The following BRD9 variants were observed in gnomAD, a reference collection of about 807,000 sequenced individuals.
BRD9 encodes bromodomain-containing protein 9.
In BRD9, 47 loss-of-function variants were observed where a neutral mutation model predicts 68.7. The observed-to-expected ratio is 0.68, with a 90% CI of 0.54 to 0.87. BRD9 has a LOEUF of 0.87. Among genes scored for constraint, BRD9 ranks in the 40% least tolerant of loss-of-function variants. The pLI is 0.00. For missense variants in BRD9, 670 were observed against 748.4 expected (o/e 0.90, Z 1.22); for synonymous variants, 313 against 293.9 (o/e 1.06, Z -0.67).
chr5:874,988 A>T (rs1339612501), intron 12 of BRD9, among the ~76,000 whole-genome samples: 1 of 152,266 alleles, frequency 6.6e-6, no homozygotes, highest in Non-Finnish European at 1.5e-5. Flanking sequence ...TCCAAATATG[A>T]TGAAAACTAC....
chr5:891,348 C>T (rs1400661312), intron 2 of BRD9, 61 bp from the exon 3 acceptor site: 3 of 1,523,906 alleles, frequency 2.0e-6, no homozygotes, highest in African/African-American at 2.8e-5. Flanking sequence ...GACAGGTCTG[C>T]CCAATCCCCT....
intron 3 of BRD9, among the ~76,000 whole-genome samples, chr5:890,777 G>T (rs1464276760): frequency 6.6e-6 from 1 of 152,098 alleles, no homozygotes; most frequent in Non-Finnish European, 1.5e-5. Context: ...CAAACTTCAA[G>T]ACCCAGGGCT....
chr5:864,501 CTG>C lies in BRD9; in HGVS notation c.1759_1760del (p.Gln587ValfsTer40), dbSNP rs764356349. On this transcript the variant is annotated frameshift_variant, in exon 16 of 16. Transcript: ENST00000467963. LOFTEE classifies it high-confidence loss of function. ...DVTHDPYEFL[Q>X]SPEPAASAKT is the part of the protein sequence containing the mutation. ...TGGCAGAGGCCGCAGGCTCTGGAGA[CTG>C]AAGAAACTCATAGGGGTCGTGGGTG... The C allele has an allele frequency of 6.2e-7, 1 of 1,613,974 alleles. No homozygotes were observed. The highest frequency in any genetic ancestry group is 1.1e-5 in the South Asian group (1 of 91,088).
At chr5:869,586 G>A (rs1267213176) in intron 14 of BRD9, among the ~76,000 whole-genome samples, 1 of 152,140 alleles carries the variant, frequency 6.6e-6, no homozygotes, top group Non-Finnish European at 1.5e-5. Flanking sequence ...AGTGATGTTT[G>A]CCATCTACTC....
At chr5:888,709 TCTCAAG>T (rs1276555416) in intron 5 of BRD9, among the ~76,000 whole-genome samples, 1 of 152,230 alleles carries the variant, frequency 6.6e-6, no homozygotes, top group Non-Finnish European at 1.5e-5. Flanking sequence ...AAATGTCTAG[TCTCAAG>T]CCGTGCCACA....
chr5:870,560 C>G lies in BRD9; in HGVS notation c.1438G>C (p.Gly480Arg). The G allele has an allele frequency of 6.2e-7, 1 of 1,613,896 alleles. No homozygotes were observed. Among genetic ancestry groups the G allele is most frequent in the Non-Finnish European group, 8.5e-7 (1 of 1,179,876 alleles). Residue 480 changes from glycine (G) to arginine (R), a missense_variant, in exon 14 of 16, where the codon GGA becomes CGA. Transcript: ENST00000467963. The stretch of plus-strand genomic sequence containing the variant: ...TCCAGAACAGAGCTGCTGCTGTCTC[C>G]TAGGGTGTCCCCAACCTGTGGAGAC... ...PDEAKVGDTL[G>R]DSSSSVLEFM... is the part of the protein sequence containing the mutation.
At chr5:885,279 G>A (rs1752382505) in intron 7 of BRD9, among the ~76,000 whole-genome samples, 1 of 152,222 alleles carries the variant, frequency 6.6e-6, no homozygotes, top group Admixed American at 6.5e-5. Flanking sequence ...GTCGTCCGTT[G>A]CCAAGCAACA....
rs1753652472 is a variant in BRD9 at position 892,740 on chromosome 5, C to T, written c.-83G>A. 8.3e-7 allele frequency: 1 copy of T among 1,212,036 alleles called. No homozygotes were observed. Among genetic ancestry groups the T allele is most frequent in the South Asian group, 3.8e-5 (1 of 26,410 alleles). The allele number at this position is 1,212,036 out of a possible 1,614,324, so 75.1% of individuals were successfully genotyped here. ...CCTTGGCCGCCACCGCCCCCTGGCC[C>T]TGGCTGGCCGCCCGCGCTCGCTGCG... On this transcript the variant is annotated 5_prime_UTR_variant, in exon 1 of 16. Coordinates refer to ENST00000467963, the MANE Select transcript of BRD9 (RefSeq NM_023924.5).
chr5:871,394 G>C (rs1560896642), intron 13 of BRD9, 132 bp downstream of exon 13: 13 of 801,174 alleles, frequency 1.6e-5, no homozygotes, highest in South Asian at 1.5e-5. Context: ...AAACACTATT[G>C]ATCTTACTGA....
chr5:891,309 G>A, intron 2 of BRD9, 22 bp from the exon 3 acceptor site: 1 of 1,549,726 alleles, frequency 6.5e-7, no homozygotes, highest in Non-Finnish European at 8.7e-7. Context: ...AGTCAAGGGA[G>A]TGAGAAAGGC....
At chr5:889,480 G>A (rs142805472) in intron 4 of BRD9, 107 bp downstream of exon 4, 6 of 1,236,382 alleles carry the variant, frequency 4.9e-6, no homozygotes, top group Non-Finnish European at 6.8e-6. Flanking sequence ...AAGAGAAGGT[G>A]CAGGGTCTGT....
At chr5:890,066 C>T (rs1031055082) in intron 3 of BRD9, 12 of 339,588 alleles carry the variant, frequency 3.5e-5, no homozygotes, top group Non-Finnish European at 4.6e-5. Flanking sequence ...CGTGGTGGTG[C>T]GTGCCTGTAG....
At chr5:884,306 A>G (rs1752235849) in intron 7 of BRD9, among the ~76,000 whole-genome samples, 1 of 152,168 alleles carries the variant, frequency 6.6e-6, no homozygotes. Flanking sequence ...CAGACTTCCT[A>G]TTTTTCAACG....
chr5:883,721 T>C (rs1752138751), intron 8 of BRD9: 3 of 625,786 alleles, frequency 4.8e-6, no homozygotes, highest in Non-Finnish European at 8.2e-6. Flanking sequence ...GCCTCCACGA[T>C]GCATGAAACA....
Position 874,977 on chromosome 5 carries a change from T to C in BRD9, c.1383+1124A>G, listed in dbSNP as rs1315088063. Among the ~76,000 whole-genome samples the C allele has an allele frequency of 3.3e-5, 5 of 152,284 alleles. No homozygotes were observed. In the East Asian group the frequency reaches 9.6e-4, roughly 29 times the overall value. On this transcript the variant is annotated intron_variant, in intron 12 of 15. Coordinates refer to ENST00000467963, the MANE Select transcript of BRD9 (RefSeq NM_023924.5). The stretch of plus-strand genomic sequence containing the variant: ...GACATTTGAGTAATGGCTAAAAATC[T>C]TCCAAATATGATGAAAACTACAGAC...
At chr5:890,900 CAT>C (rs986016638) in intron 3 of BRD9, among the ~76,000 whole-genome samples, 2 of 152,170 alleles carry the variant, frequency 1.3e-5, no homozygotes, top group African/African-American at 2.4e-5. Flanking sequence ...GCTTAAAAAA[CAT>C]ATAAGCCATC....
intron 15 of BRD9, 145 bp downstream of exon 15, chr5:865,269 T>C: frequency 8.7e-7 from 1 of 1,148,738 alleles, no homozygotes; most frequent in South Asian, 1.7e-5. Context: ...CAAGGACATC[T>C]GTGGAAACCG....
At chr5:891,568 C>G in intron 2 of BRD9, 72 bp downstream of exon 2, 6 of 1,519,070 alleles carry the variant, frequency 3.9e-6, no homozygotes, top group Non-Finnish European at 5.3e-6. Flanking sequence ...CGCACTCTGC[C>G]TGGGTCCTGG....
At position 864,518 on chromosome 5, in the gene BRD9, G is replaced by T; in HGVS notation, c.1744C>A (p.Pro582Thr). 1 of 1,614,046 alleles carries T rather than the reference G, an allele frequency of 6.2e-7. No individual in the cohort carries two copies. Among genetic ancestry groups the T allele is most frequent in the Non-Finnish European group, 8.5e-7 (1 of 1,179,952 alleles). ...VGEQPDVTHD[P>T]YEFLQSPEPA... ...TCTGGAGACTGAAGAAACTCATAGGGGTCGTGGGTGACGTCTGGCTGCTCC... is the reference window on the plus strand; with the variant it reads ...TCTGGAGACTGAAGAAACTCATAGGTGTCGTGGGTGACGTCTGGCTGCTCC... The change falls in exon 16 of 16, where the codon CCC becomes ACC. Residue 582 changes from proline (P) to threonine (T), a missense_variant. By Grantham distance (38) the Pro-to-Thr change is conservative. Transcript: ENST00000467963.
Sources: allele counts gnomAD v4.1 joint callset (sites outside exome capture counted in the v4.1 genomes callset), GRCh38; gene constraint gnomAD v4.1.1; transcripts MANE v1.5; gene names NCBI Gene and HGNC (gene_info 2026-07-23, HGNC 2026-07-21).